The following LRRTM4 variants were observed in gnomAD, a reference collection of about 807,000 sequenced individuals.
The protein encoded by LRRTM4 is leucine rich repeat transmembrane neuronal 4.
In LRRTM4, 25 loss-of-function variants were observed where a neutral mutation model predicts 47.6. The ratio of observed to expected loss-of-function variants is 0.53; its 90% CI spans 0.38 to 0.73. LRRTM4 has a LOEUF of 0.73. Among genes scored for constraint, LRRTM4 ranks in the 30% least tolerant of loss-of-function variants. The probability of loss-of-function intolerance (pLI) is 0.00; values close to 1 mark genes in which losing one functional copy is unlikely to be tolerated. For missense variants in LRRTM4, 638 were observed against 713.4 expected (o/e 0.89, Z 1.20); for synonymous variants, 311 against 269.5 (o/e 1.15, Z -1.51).
chr2:77,314,038 C>T (rs569473206), intron 3 of LRRTM4, among the ~76,000 whole-genome samples: 1 of 152,158 alleles, frequency 6.6e-6, no homozygotes, highest in Non-Finnish European at 1.5e-5. Flanking sequence ...ATGCAACTTA[C>T]AATATCCTAT....
chr2:77,513,031 T>C (rs1167061527), intron 3 of LRRTM4, among the ~76,000 whole-genome samples: 1 of 152,196 alleles, frequency 6.6e-6, no homozygotes, highest in Non-Finnish European at 1.5e-5. Flanking sequence ...TAGATTTTAA[T>C]TGGACCTAAT....
At chr2:77,320,235 C>T (rs1025029578) in intron 3 of LRRTM4, among the ~76,000 whole-genome samples, 7 of 152,028 alleles carry the variant, frequency 4.6e-5, no homozygotes, top group African/African-American at 1.7e-4. Flanking sequence ...CATGAGGGTA[C>T]TTTAACAAGA....
intron 3 of LRRTM4, among the ~76,000 whole-genome samples, chr2:76,912,207 C>G (rs1674091596): frequency 6.6e-6 from 1 of 152,086 alleles, no homozygotes; most frequent in Admixed American, 6.6e-5. Context: ...GCGTGAGCCA[C>G]CGCCCCTGGC....
At chr2:76,910,875 C>A (rs991933877) in intron 3 of LRRTM4, among the ~76,000 whole-genome samples, 2 of 152,148 alleles carry the variant, frequency 1.3e-5, no homozygotes, top group African/African-American at 4.8e-5. Context: ...CATTCTTGTG[C>A]ATTCTGCGTC....
intron 3 of LRRTM4, among the ~76,000 whole-genome samples, chr2:77,054,886 C>G (rs1172529838): frequency 6.6e-6 from 1 of 152,196 alleles, no homozygotes; most frequent in Non-Finnish European, 1.5e-5. Flanking sequence ...TTTGACCAAT[C>G]TATCATTTCA....
chr2:77,164,082 A>G (rs1472698785), intron 3 of LRRTM4, among the ~76,000 whole-genome samples: 1 of 152,220 alleles, frequency 6.6e-6, no homozygotes, highest in Admixed American at 6.5e-5. Flanking sequence ...ATGCAGAGAC[A>G]CACATAGGCT....
chr2:77,377,524 C>G (rs868669495), intron 3 of LRRTM4, among the ~76,000 whole-genome samples: 2 of 151,830 alleles, frequency 1.3e-5, no homozygotes, highest in Admixed American at 1.3e-4. Flanking sequence ...TGGATAGGAT[C>G]TCTAGGTCAA....
chr2:77,005,247 G>A (rs1360928440), intron 3 of LRRTM4, among the ~76,000 whole-genome samples: 1 of 151,946 alleles, frequency 6.6e-6, no homozygotes, highest in Non-Finnish European at 1.5e-5. Flanking sequence ...CTGGTTCAAG[G>A]GATTCGCCTG....
rs371506573 is a variant in LRRTM4 at position 76,889,677 on chromosome 2, C to T, written c.1552-140761G>A. ...AGCAAGAAGAAGGAGGACAAAATGA[C>T]TGTACTTTAACCTGAGCAGTGGCCC... On this transcript the variant is annotated intron_variant, in intron 3 of 3. Transcript: ENST00000409884. Among the ~76,000 whole-genome samples the T allele has an allele frequency of 1.6e-4, 25 of 152,094 alleles. 1 individual carries two copies. The highest frequency in any genetic ancestry group is 6.0e-4 in the African/African-American group (25 of 41,562).
In LRRTM4 at chr2:76,889,809, G is replaced by C. The variant is rs1673193136; in HGVS notation, c.1552-140893C>G. Among the ~76,000 whole-genome samples the C allele has an allele frequency of 2.6e-5, 4 of 151,876 alleles. No homozygotes were observed. In the South Asian group the frequency reaches 6.2e-4, roughly 24 times the overall value. On this transcript the variant is annotated intron_variant, in intron 3 of 3. Coordinates refer to ENST00000409884, the MANE Select transcript of LRRTM4 (RefSeq NM_001134745.3). ...AGGAGAGGAAAAGAGGCAAATAATA[G>C]AGTAGAGAGAAAGAAGAAAGAGAGA... is the stretch of plus-strand genomic sequence containing the variant.
At chr2:77,508,589 A>C (rs970245371) in intron 3 of LRRTM4, among the ~76,000 whole-genome samples, 1 of 152,138 alleles carries the variant, frequency 6.6e-6, no homozygotes, top group Non-Finnish European at 1.5e-5. Flanking sequence ...GTTTTTTGTC[A>C]GTAGTGCCCT....
chr2:77,322,785 G>A (rs546849272), intron 3 of LRRTM4, among the ~76,000 whole-genome samples: 1 of 149,316 alleles, frequency 6.7e-6, no homozygotes, highest in East Asian at 2.0e-4. Flanking sequence ...GTATAACAGA[G>A]AAAGTCCAGG....
intron 3 of LRRTM4, among the ~76,000 whole-genome samples, chr2:77,012,618 A>T (rs1250745690): frequency 6.6e-6 from 1 of 152,206 alleles, no homozygotes; most frequent in Non-Finnish European, 1.5e-5. Context: ...ATAGGCTTTT[A>T]GAACTAGAAA....
At chr2:77,058,114 C>G (rs1049449351) in intron 3 of LRRTM4, among the ~76,000 whole-genome samples, 1 of 152,146 alleles carries the variant, frequency 6.6e-6, no homozygotes, top group African/African-American at 2.4e-5. Flanking sequence ...TTTTCTAGCC[C>G]TGATTCCTTC....
chr2:76,810,260 G>A (rs528159256), intron 3 of LRRTM4, among the ~76,000 whole-genome samples: 3 of 152,062 alleles, frequency 2.0e-5, no homozygotes, highest in East Asian at 1.9e-4. Flanking sequence ...TCTTGATTAC[G>A]TCTTAAGGGT....
chr2:77,048,225 G>A (rs892607181), intron 3 of LRRTM4, among the ~76,000 whole-genome samples: 2 of 152,048 alleles, frequency 1.3e-5, no homozygotes, highest in Non-Finnish European at 1.5e-5. Context: ...ATGTATGAAT[G>A]TATGTGTGTG....
intron 3 of LRRTM4, among the ~76,000 whole-genome samples, chr2:77,244,514 A>T (rs1436109546): frequency 6.6e-6 from 1 of 152,192 alleles, no homozygotes; most frequent in African/African-American, 2.4e-5. Flanking sequence ...AAAAATGTTT[A>T]AGGAGATTGG....
At chr2:76,751,713 T>A (rs955734438) in intron 3 of LRRTM4, among the ~76,000 whole-genome samples, 1 of 152,086 alleles carries the variant, frequency 6.6e-6, no homozygotes, top group African/African-American at 2.4e-5. Context: ...CCTCATAGGA[T>A]TTTTCAGGGT....
intron 3 of LRRTM4, among the ~76,000 whole-genome samples, chr2:76,759,024 T>C (rs2104076003): frequency 6.6e-6 from 1 of 152,302 alleles, no homozygotes; most frequent in East Asian, 1.9e-4. Flanking sequence ...AAAAAATATT[T>C]ATTTTCATTT....
Sources: allele counts gnomAD v4.1 joint callset (sites outside exome capture counted in the v4.1 genomes callset), GRCh38; gene constraint gnomAD v4.1.1; transcripts MANE v1.5; gene names NCBI Gene and HGNC (gene_info 2026-07-23, HGNC 2026-07-21).